Variants in RNF213 observed in about 807,000 individuals in gnomAD.
RNF213 encodes the protein E3 ubiquitin-protein ligase RNF213.
A neutral mutation model predicts 514.4 loss-of-function variants in RNF213; 341 were observed. The ratio of observed to expected loss-of-function variants is 0.66; its 90% CI spans 0.61 to 0.73. The LOEUF (loss-of-function observed/expected upper bound fraction) is 0.73, where lower values mean the gene tolerates loss of function less well. RNF213 is among the 30% of genes least tolerant of loss of function. The probability of loss-of-function intolerance (pLI) is 0.00; values close to 1 mark genes in which losing one functional copy is unlikely to be tolerated. For missense variants in RNF213, 5,767 were observed against 6,615.6 expected (o/e 0.87, Z 4.45); for synonymous variants, 2,655 against 2,658.2 (o/e 1.00, Z 0.04).
rs1437346907 is a variant in RNF213, at chr17:80,319,195, ACCC to A, written c.2909_2911del (p.Pro970del). 1 of 1,614,014 alleles carries A rather than the reference ACCC, an allele frequency of 6.2e-7. No homozygotes were observed. Among genetic ancestry groups the A allele is most frequent in the Non-Finnish European group, 8.5e-7 (1 of 1,180,004 alleles). ...CCCCCCTTTGATTTTTGCAGGAGGAACCCCTCTCCCAGATCACTGCCTACTGCA... is the reference window on the plus strand; with the variant it reads ...CCCCCCTTTGATTTTTGCAGGAGGAACTCTCCCAGATCACTGCCTACTGCA... On this transcript the variant is annotated inframe_deletion, in exon 17 of 68. Transcript: ENST00000582970.
intron 64 of RNF213, 148 bp downstream of exon 64, chr17:80,388,837 A>G (rs2080345389): frequency 1.4e-6 from 1 of 722,844 alleles, no homozygotes; most frequent in East Asian, 2.5e-5. Context: ...CAAGCAAGAC[A>G]GCAAATCAGC....
chr17:80,373,215 TACACCCCAAACCCAC>T (rs761896281), intron 49 of RNF213, 50 bp downstream of exon 49: 4 of 1,525,794 alleles, frequency 2.6e-6, no homozygotes, highest in Non-Finnish European at 3.5e-6. Context: ...CACAGCCCCA[TACACCCCAAACCCAC>T]ACACCCCCCT....
chr17:80,287,983 A>C lies in RNF213; in HGVS notation c.430A>C (p.Thr144Pro). ...PHSQAQQSGP[T>P]GQPSQPPGTA... ...CAGCCAAGCCCAGCAGAGTGGCCCC[A>C]CTGGCCAGCCGAGCCAGCCCCCAGG... The change falls in exon 4 of 68, where the codon ACT becomes CCT. Residue 144 changes from threonine (T) to proline (P), a missense_variant. Transcript: ENST00000582970. 6.3e-7 allele frequency: 1 copy of C among 1,577,698 alleles called. No homozygotes were observed. Among genetic ancestry groups the C allele is most frequent in the Non-Finnish European group, 8.6e-7 (1 of 1,162,496 alleles).
intron 64 of RNF213, 31 bp from the exon 65 acceptor site, chr17:80,389,141 CA>C: frequency 6.2e-7 from 1 of 1,607,216 alleles, no homozygotes; most frequent in African/African-American, 1.3e-5. Flanking sequence ...ACCCAGCCCA[CA>C]GACATCCCTC....
At position 80,263,809 on chromosome 17, in the gene RNF213, G is replaced by A. The variant is rs749178991; in HGVS notation, c.97+31G>A. The stretch of plus-strand genomic sequence containing the variant: ...GCCCAGGGGTGCTGGTGGAGGCTGG[G>A]GCAGTGGGGACCCCTGGAGATGTCT... On this transcript the variant is annotated intron_variant, in intron 2 of 67. Transcript: ENST00000582970. This position sits in a 1 kb window ranked among gnomAD's most constrained non-coding sequence, Gnocchi z 4.9. 6.3e-7 allele frequency: 1 copy of A among 1,597,146 alleles called. No individual in the cohort carries two copies. Among genetic ancestry groups the A allele is most frequent in the South Asian group, 1.1e-5 (1 of 90,716 alleles).
intron 28 of RNF213, 96 bp from the exon 29 acceptor site, chr17:80,344,582 G>T: frequency 7.5e-7 from 1 of 1,340,124 alleles, no homozygotes; most frequent in Non-Finnish European, 1.1e-6. Context: ...TTTTCATAAA[G>T]GTCCATCCAA....
At chr17:80,323,562 G>A (rs533540460) in intron 17 of RNF213, among the ~76,000 whole-genome samples, 15 of 151,042 alleles carry the variant, frequency 9.9e-5, no homozygotes, top group Admixed American at 4.0e-4. Flanking sequence ...ACAGAGTCTC[G>A]CCCTGTTGCC....
intron 2 of RNF213, among the ~76,000 whole-genome samples, chr17:80,266,116 CTTTG>C (rs928553272): frequency 3.4e-4 from 51 of 152,064 alleles, no homozygotes; most frequent in Non-Finnish European, 4.1e-4. Flanking sequence ...GCCTCTGAGT[CTTTG>C]TTTGGTTGGC....
At chr17:80,386,577 G>A in intron 62 of RNF213, 113 bp from the exon 63 acceptor site, 1 of 1,436,032 alleles carries the variant, frequency 7.0e-7, no homozygotes, top group Non-Finnish European at 9.8e-7. Flanking sequence ...CCATACTTGG[G>A]TAGGGTTTTC....
chr17:80,306,525 TA>T lies in RNF213; in HGVS notation c.2427+60del, dbSNP rs2045364148. The T allele has an allele frequency of 4.0e-6, 6 of 1,507,198 alleles. No individual in the cohort carries two copies. In the African/African-American group the frequency reaches 8.3e-5, roughly 21 times the overall value. The allele number at this position is 1,507,198 out of a possible 1,614,324, so 93.4% of individuals were successfully genotyped here. ...GCTTAGCAAAAGCAGACTAGATAACTAAACATGGAAAGCTCAGGATTCTTAT... is the reference window on the plus strand; with the variant it reads ...GCTTAGCAAAAGCAGACTAGATAACTAACATGGAAAGCTCAGGATTCTTAT... On this transcript the variant is annotated intron_variant, in intron 12 of 67. Coordinates refer to ENST00000582970, the MANE Select transcript of RNF213 (RefSeq NM_001256071.3).
chr17:80,328,351 G>A lies in RNF213; in HGVS notation c.3391G>A (p.Asp1131Asn), dbSNP rs948759779. The change falls in exon 20 of 68, where the codon GAT (aspartate) becomes AAT (asparagine). Residue 1131 changes from aspartate (D) to asparagine (N), a missense_variant. Asp to Asn is a conservative substitution (Grantham distance 23). Around this residue, in one of 13 missense-constraint regions of RNF213, gnomAD observed 516 missense variants for 566.5 expected, o/e 0.91. Transcript: ENST00000582970. ...AGGGGAAAAAAGTCTTTCACCCCAG[G>A]ATGAACAATGTGCTGTGGAGGAAGC... Reference protein sequence around the residue: ...QLREKSLSPQDEQCAVEEALD... With the variant: ...QLREKSLSPQNEQCAVEEALD... 3.9e-6 allele frequency: 6 copies of A among 1,536,820 alleles called. No individual in the cohort carries two copies. The African/African-American group carries it at 4.1e-5, about 11-fold the overall frequency.
chr17:80,390,178 G>A lies in RNF213; in HGVS notation c.15452G>A (p.Arg5151His), dbSNP rs145670917. ...LKNPQTQTEE[R>H]FRPQWSLRDT... is the part of the protein sequence containing the mutation. Reference sequence around the variant, plus strand: ...AACCCCCAAACCCAAACCGAGGAGCGCTTCCGCCCTCAGTGGAGGTATGGA... The same window carrying A: ...AACCCCCAAACCCAAACCGAGGAGCACTTCCGCCCTCAGTGGAGGTATGGA... The change falls in exon 67 of 68, where the codon CGC becomes CAC. Residue 5151 changes from arginine to histidine, a missense_variant. Arg to His is a conservative substitution (Grantham distance 29). Around this residue, in one of 13 missense-constraint regions of RNF213, gnomAD observed 1,245 missense variants for 1,339.0 expected, o/e 0.93. Transcript: ENST00000582970. 192 of 1,614,012 alleles carry A rather than the reference G, an allele frequency of 1.2e-4. No individual in the cohort carries two copies. In the African/African-American group the frequency reaches 2.4e-3, roughly 20 times the overall value.
chr17:80,288,205 C>G lies in RNF213; in HGVS notation c.652C>G (p.Gln218Glu). The G allele has an allele frequency of 1.2e-6, 2 of 1,613,062 alleles. No individual in the cohort carries two copies. The highest frequency in any genetic ancestry group is 1.7e-6 in the Non-Finnish European group (2 of 1,179,750). The change falls in exon 4 of 68, where the codon CAG (glutamine) becomes GAG (glutamate). Residue 218 changes from glutamine (Q) to glutamate (E), a missense_variant. This residue lies in a region of RNF213 where 509 missense variants were observed against 496.7 expected (regional missense o/e 1.02). Transcript: ENST00000582970. This position sits in a 1 kb window ranked among gnomAD's most constrained non-coding sequence, Gnocchi z 4.9. ...SIPSGGRGLS[Q>E]EGTGPPTSAG... ...CCCCTCTGGGGGCAGAGGCCTGTCC[C>G]AGGAGGGGACCGGTCCCCCCACCTC...
At chr17:80,272,406 A>G (rs9902702) in intron 2 of RNF213, among the ~76,000 whole-genome samples, 80,671 of 152,200 alleles carry the variant, frequency 0.53, 22,024 homozygotes, top group African/African-American at 0.66. Context: ...TTTGTGCCAC[A>G]TGGCAGAGTA....
At chr17:80,296,288 A>G (rs1568028056) in intron 10 of RNF213, among the ~76,000 whole-genome samples, 1 of 152,080 alleles carries the variant, frequency 6.6e-6, no homozygotes, top group Non-Finnish European at 1.5e-5. Flanking sequence ...CCAAAGTGCT[A>G]GGATTGTAGG....
chr17:80,324,635 G>A (rs1168586281), intron 17 of RNF213, among the ~76,000 whole-genome samples: 1 of 151,944 alleles, frequency 6.6e-6, no homozygotes, highest in Non-Finnish European at 1.5e-5. Flanking sequence ...TATGTTGTTT[G>A]TAGGCAGCTT....
rs2045975811 is a variant in RNF213, at chr17:80,317,180, T to C, written c.2812-8T>C. The C allele has an allele frequency of 1.9e-6, 3 of 1,610,442 alleles. No individual in the cohort carries two copies. The highest frequency in any genetic ancestry group is 1.7e-4 in the Middle Eastern group (1 of 6,056). On this transcript the variant is annotated splice_region_variant and splice_polypyrimidine_tract_variant and intron_variant, in intron 15 of 67. Coordinates refer to ENST00000582970, the MANE Select transcript of RNF213 (RefSeq NM_001256071.3). The surrounding 1 kb of genome is among the most constrained non-coding windows in gnomAD (Gnocchi z 4.1). ...AGAGTGGGTGTGACCTGTGTGCGGG[T>C]TTTGCAGGTCTGGAGGCGGCTGGTG...
chr17:80,267,453 A>G (rs189007207), intron 2 of RNF213, among the ~76,000 whole-genome samples: 72 of 152,254 alleles, frequency 4.7e-4, no homozygotes, highest in African/African-American at 1.7e-3. Context: ...AAAAAGAAAA[A>G]AAGTGCTACT....
At chr17:80,375,288 G>A (rs532598760) in intron 50 of RNF213, among the ~76,000 whole-genome samples, 1 of 152,322 alleles carries the variant, frequency 6.6e-6, no homozygotes, top group South Asian at 2.1e-4. Flanking sequence ...TGCCCATGTG[G>A]GGCATGACCC....
Sources: gnomAD v4.1 joint callset for allele counts (sites outside exome capture counted in the v4.1 genomes callset) on GRCh38, gnomAD v4.1.1 for gene constraint, gnomAD v4.1.1 regional missense constraint, Gnocchi (gnomAD v3.1) non-coding constraint, MANE v1.5 for transcripts, NCBI Gene and HGNC (gene_info 2026-07-23, HGNC 2026-07-21) for gene names.